Variants in RPH3AL observed in about 807,000 individuals in gnomAD.
The protein encoded by RPH3AL is rabphilin 3A like (without C2 domains).
A neutral mutation model predicts 43.1 loss-of-function variants in RPH3AL; 38 were observed. That is an observed-to-expected ratio of 0.88 (90% CI 0.68 to 1.15). The LOEUF is 1.15. Among genes scored for constraint, RPH3AL ranks in the 50% most tolerant of loss-of-function variants. The pLI, the probability that RPH3AL is intolerant of heterozygous loss-of-function variation, is 0.00. For missense variants in RPH3AL, 462 were observed against 423.2 expected (o/e 1.09, Z -0.81); for synonymous variants, 189 against 176.3 (o/e 1.07, Z -0.57).
intron 8 of RPH3AL, among the ~76,000 whole-genome samples, chr17:218,610 G>T (rs1219693210): frequency 6.6e-6 from 1 of 152,174 alleles, no homozygotes; most frequent in African/African-American, 2.4e-5. Context: ...GAATGAAGCT[G>T]GCCCTTTTCC....
chr17:249,506 C>A (rs1555541458), intron 6 of RPH3AL, among the ~76,000 whole-genome samples: 1 of 152,094 alleles, frequency 6.6e-6, no homozygotes, highest in African/African-American at 2.4e-5. Context: ...CGCCACCCCC[C>A]TCCTGCCACC....
intron 6 of RPH3AL, among the ~76,000 whole-genome samples, chr17:271,224 T>C (rs1388286231): frequency 6.6e-6 from 1 of 152,248 alleles, no homozygotes; most frequent in African/African-American, 2.4e-5. Context: ...CCTCCAGCTT[T>C]GTTCTTTTGG....
Position 283,049 on chromosome 17 carries a change from C to T in RPH3AL, c.352-1195G>A, listed in dbSNP as rs111709527. On this transcript the variant is annotated intron_variant, in intron 5 of 9. Transcript: ENST00000331302. This position sits in a 1 kb window ranked among gnomAD's most constrained non-coding sequence, Gnocchi z 4.2. ...GGGGCTGAGACCGGCTCCAGGCTAA[C>T]CCAGGCAGAGTCTGATTCAGCGATC... Among the ~76,000 whole-genome samples the T allele has an allele frequency of 2.0e-3, 307 of 152,270 alleles. 1 individual carries two copies. The highest frequency in any genetic ancestry group is 6.9e-3 in the African/African-American group (286 of 41,542).
intron 6 of RPH3AL, among the ~76,000 whole-genome samples, chr17:263,130 C>G (rs1028617010): frequency 6.6e-6 from 1 of 152,130 alleles, no homozygotes; most frequent in African/African-American, 2.4e-5. Flanking sequence ...TAAATTCTGG[C>G]AATCTACAAC....
chr17:330,941 G>C (rs1050517299), intron 2 of RPH3AL: 1 of 151,930 alleles, frequency 6.6e-6, no homozygotes, highest in African/African-American at 2.4e-5. Flanking sequence ...CCAGGAACAA[G>C]TCAACTGTCT....
At chr17:314,893 CTCCACCTCCATTGACCAGTAGTCCCTGTG>C (rs1215760498) in intron 5 of RPH3AL, among the ~76,000 whole-genome samples, 15 of 125,110 alleles carry the variant, frequency 1.2e-4, no homozygotes, top group African/African-American at 4.6e-4. Context: ...AGTCTCTGTG[CTCCACCTCCATTGACCAGTAGTCCCTGTG>C]CCCCACCTCC....
At position 352,795 on chromosome 17, in the gene RPH3AL, C is replaced by G. The variant is rs1215783546; in HGVS notation, c.-296G>C. ...CTCCCACCACCGTTGTCGGGGGTGA[C>G]CCGAGGTGTTCCAGATGAGGAGCTG... is the stretch of plus-strand genomic sequence containing the variant. On this transcript the variant is annotated 5_prime_UTR_variant, in exon 1 of 10. Coordinates refer to ENST00000331302, the MANE Select transcript of RPH3AL (RefSeq NM_006987.4). 2 of 152,216 alleles carry G rather than the reference C, an allele frequency of 1.3e-5. No individual in the cohort carries two copies. The highest frequency in any genetic ancestry group is 3.9e-4 in the East Asian group (2 of 5,182). The allele number at this position is 152,216 out of a possible 1,614,324, so 9.4% of individuals were successfully genotyped here. A position where few individuals can be genotyped will look rare whatever the true frequency, so the allele number is the denominator to read the frequency against.
At chr17:268,902 G>A (rs111510129) in intron 6 of RPH3AL, among the ~76,000 whole-genome samples, 10 of 151,718 alleles carry the variant, frequency 6.6e-5, no homozygotes, top group East Asian at 3.9e-4. Context: ...TTTTTGAGAC[G>A]GAGTCTCGCT....
In RPH3AL at chr17:260,790, C is replaced by G. The variant is rs191704689; in HGVS notation, c.439-13505G>C. Among the ~76,000 whole-genome samples the G allele has an allele frequency of 1.6e-4, 24 of 152,238 alleles. No homozygotes were observed. In the East Asian group the frequency reaches 4.4e-3, roughly 28 times the overall value. The stretch of plus-strand genomic sequence containing the variant: ...AGGCCAACAACACCCCAGGACCCAG[C>G]CTCCCTCTCAGCCTCACCTCTCACC... On this transcript the variant is annotated intron_variant, in intron 6 of 9. Coordinates refer to ENST00000331302, the MANE Select transcript of RPH3AL (RefSeq NM_006987.4).
intron 5 of RPH3AL, among the ~76,000 whole-genome samples, chr17:302,123 C>T (rs543367873): frequency 6.6e-6 from 1 of 152,362 alleles, no homozygotes; most frequent in South Asian, 2.1e-4. Flanking sequence ...GCGAGAGCTT[C>T]GGCTCCCAGC....
At chr17:256,634 T>A (rs1597951429) in intron 6 of RPH3AL, among the ~76,000 whole-genome samples, 1 of 3,492 alleles carries the variant, frequency 2.9e-4, no homozygotes. Context: ...GTGACTACCC[T>A]ACGTACTTCC....
chr17:306,159 C>T (rs1259723191), intron 5 of RPH3AL, among the ~76,000 whole-genome samples: 1 of 151,994 alleles, frequency 6.6e-6, no homozygotes. Context: ...CTGCGCCCGA[C>T]TTCCCCAGCC....
chr17:332,404 T>C (rs1362196998), intron 2 of RPH3AL: 1 of 171,824 alleles, frequency 5.8e-6, no homozygotes, highest in Non-Finnish European at 1.3e-5. Context: ...CGCCCAGAAG[T>C]GTTCAGTTCT....
intron 5 of RPH3AL, among the ~76,000 whole-genome samples, chr17:310,439 G>A (rs987528649): frequency 6.6e-5 from 10 of 152,166 alleles, no homozygotes; most frequent in Admixed American, 6.5e-5. Context: ...AACCATGCCT[G>A]GGCCTGGATG....
At chr17:314,805 C>T in intron 5 of RPH3AL, among the ~76,000 whole-genome samples, 2 of 147,584 alleles carry the variant, frequency 1.4e-5, no homozygotes, top group East Asian at 2.0e-4. Context: ...TCCCTGTACT[C>T]CACGTCCATT....
intron 5 of RPH3AL, among the ~76,000 whole-genome samples, chr17:312,668 G>A (rs2043673564): frequency 6.6e-6 from 1 of 152,198 alleles, no homozygotes; most frequent in Admixed American, 6.5e-5. Flanking sequence ...CGCTGCCAAT[G>A]GGCCAGGCAG....
intron 1 of RPH3AL, chr17:335,744 C>T (rs2044936349): frequency 6.6e-6 from 1 of 152,344 alleles, no homozygotes; most frequent in Admixed American, 6.5e-5. Context: ...AAAACCCACT[C>T]CCCTCCCCTC....
intron 5 of RPH3AL, among the ~76,000 whole-genome samples, chr17:295,989 C>T: frequency 8.8e-6 from 1 of 113,756 alleles, no homozygotes; most frequent in South Asian, 3.4e-4. Flanking sequence ...GTGGGAGGGA[C>T]AGAGGAGCTG....
intron 6 of RPH3AL, among the ~76,000 whole-genome samples, chr17:251,889 CTG>C (rs1392015510): frequency 2.6e-5 from 4 of 152,242 alleles, no homozygotes; most frequent in African/African-American, 9.6e-5. Flanking sequence ...TAAGAACCAT[CTG>C]TGAACGGCGG....
Sources: gnomAD v4.1 joint callset for allele counts (sites outside exome capture counted in the v4.1 genomes callset) on GRCh38, gnomAD v4.1.1 for gene constraint, Gnocchi (gnomAD v3.1) non-coding constraint, MANE v1.5 for transcripts, NCBI Gene and HGNC (gene_info 2026-07-23, HGNC 2026-07-21) for gene names.